Variants in ANKFY1 observed in about 807,000 individuals in gnomAD.
ANKFY1 encodes the protein ankyrin repeat and FYVE domain-containing protein 1.
ANKFY1 carries 47 observed loss-of-function variants against 128.3 expected under a neutral mutation model. The ratio of observed to expected loss-of-function variants is 0.37; its 90% CI spans 0.29 to 0.47. The LOEUF is 0.47. Ranked by LOEUF, ANKFY1 falls within the 20% of genes least tolerant of loss-of-function variation. The pLI is 1.00. For synonymous variants in ANKFY1, 553 were observed against 601.6 expected (o/e 0.92, Z 1.18); for missense variants, 1,222 against 1,510.6 (o/e 0.81, Z 3.17).
intron 22 of ANKFY1, among the ~76,000 whole-genome samples, chr17:4,171,348 G>A (rs996845870): frequency 2.0e-5 from 3 of 152,298 alleles, no homozygotes; most frequent in African/African-American, 4.8e-5. Flanking sequence ...CTTCCACCCC[G>A]TGGAGCCCGT....
rs1598023117 is a variant in ANKFY1 at position 4,181,138 on chromosome 17, G to A, written c.2240+116C>T. Reference sequence around the variant, plus strand: ...CAGTGACTCTCTGATAACCTTAACTGTGAAAGTCAAGCCGGCTACTGGCAT... The same window carrying A: ...CAGTGACTCTCTGATAACCTTAACTATGAAAGTCAAGCCGGCTACTGGCAT... On this transcript the variant is annotated intron_variant, in intron 16 of 24. Coordinates refer to ENST00000341657, the MANE Select transcript of ANKFY1 (RefSeq NM_001330063.2). The surrounding 1 kb of genome is among the most constrained non-coding windows in gnomAD (Gnocchi z 4.9). 1 of 822,172 alleles carries A rather than the reference G, an allele frequency of 1.2e-6. No homozygotes were observed. Among genetic ancestry groups the A allele is most frequent in the South Asian group, 1.6e-5 (1 of 61,434 alleles). The allele number at this position is 822,172 out of a possible 1,614,324, so 50.9% of individuals were successfully genotyped here.
intron 1 of ANKFY1, among the ~76,000 whole-genome samples, chr17:4,260,961 T>G (rs1968385373): frequency 6.6e-6 from 1 of 152,208 alleles, no homozygotes; most frequent in South Asian, 2.1e-4. Context: ...TATTTATATT[T>G]AAATAACTGT....
Position 4,186,015 on chromosome 17 carries a change from C to G in ANKFY1, c.1471-969G>C, listed in dbSNP as rs116277091. On this transcript the variant is annotated intron_variant, in intron 11 of 24. Coordinates refer to ENST00000341657, the MANE Select transcript of ANKFY1 (RefSeq NM_001330063.2). ...AAAATATTTTTAATTGGTATTACCGCTACCTGATGCAACATTTAAAACGAA... is the reference window on the plus strand; with the variant it reads ...AAAATATTTTTAATTGGTATTACCGGTACCTGATGCAACATTTAAAACGAA... 5.5e-3 allele frequency among the ~76,000 whole-genome samples: 832 copies of G among 152,268 alleles called. 8 individuals are homozygous for G. Among genetic ancestry groups the G allele is most frequent in the African/African-American group, 0.019 (792 of 41,546 alleles).
rs1202952074 is a variant in ANKFY1 at position 4,256,070 on chromosome 17, C to T, written c.10+7862G>A. 2.0e-5 allele frequency among the ~76,000 whole-genome samples: 3 copies of T among 152,086 alleles called. No homozygotes were observed. The East Asian group carries it at 5.8e-4, about 30-fold the overall frequency. ...TGATCTTGTGACCTGCCCGCCTCGGCCTCCCAAAGTGCTGGGATTACAGGT... is the reference window on the plus strand; with the variant it reads ...TGATCTTGTGACCTGCCCGCCTCGGTCTCCCAAAGTGCTGGGATTACAGGT... On this transcript the variant is annotated intron_variant, in intron 1 of 24. Coordinates refer to ENST00000341657, the MANE Select transcript of ANKFY1 (RefSeq NM_001330063.2).
intron 7 of ANKFY1, among the ~76,000 whole-genome samples, chr17:4,203,770 G>C (rs550391106): frequency 7.0e-6 from 1 of 142,786 alleles, no homozygotes; most frequent in East Asian, 2.1e-4. Context: ...AGCCGAGACC[G>C]AGCCATTGCA....
chr17:4,242,104 A>T (rs1346720554), intron 2 of ANKFY1, 152 bp downstream of exon 2: 1 of 727,060 alleles, frequency 1.4e-6, no homozygotes, highest in African/African-American at 1.8e-5. Context: ...AAAAAAAAAA[A>T]ATCTTGCCTC....
intron 19 of ANKFY1, among the ~76,000 whole-genome samples, chr17:4,174,531 G>A (rs1307707906): frequency 6.6e-6 from 1 of 152,170 alleles, no homozygotes; most frequent in Non-Finnish European, 1.5e-5. Context: ...TTAGAAGATA[G>A]TATGATTCCA....
At chr17:4,210,114 A>G (rs892343789) in intron 4 of ANKFY1, among the ~76,000 whole-genome samples, 167 bp from the exon 5 acceptor site, 30 of 152,356 alleles carry the variant, frequency 2.0e-4, no homozygotes, top group South Asian at 1.5e-3. Context: ...CCCATATTTA[A>G]AAAGTACTAG....
chr17:4,235,194 T>C (rs1177271554), intron 3 of ANKFY1, among the ~76,000 whole-genome samples: 1 of 151,726 alleles, frequency 6.6e-6, no homozygotes, highest in African/African-American at 2.4e-5. Context: ...AATACAAAAA[T>C]TAGCTGGGTG....
intron 6 of ANKFY1, among the ~76,000 whole-genome samples, chr17:4,207,117 C>T (rs1400635366): frequency 2.6e-5 from 4 of 152,022 alleles, no homozygotes; most frequent in African/African-American, 9.7e-5. Context: ...CCTATCTAAC[C>T]ACAGAGGGCC....
At chr17:4,242,207 G>A in intron 2 of ANKFY1, 49 bp downstream of exon 2, 1 of 1,433,512 alleles carries the variant, frequency 7.0e-7, no homozygotes, top group Non-Finnish European at 9.2e-7. Context: ...GCTGTAGTGT[G>A]GCCCAGGAAT....
chr17:4,170,294 G>A (rs559645637), intron 23 of ANKFY1, among the ~76,000 whole-genome samples: 1 of 152,312 alleles, frequency 6.6e-6, no homozygotes, highest in East Asian at 1.9e-4. Context: ...TATGAAATCA[G>A]GAGGGAAGCA....
Position 4,235,815 on chromosome 17 carries a change from C to G in ANKFY1, c.279G>C (p.Trp93Cys), listed in dbSNP as rs1005735851. 3 of 1,614,072 alleles carry G rather than the reference C, an allele frequency of 1.9e-6. No individual in the cohort carries two copies. In the African/African-American group the frequency reaches 4.0e-5, roughly 22 times the overall value. ...TAGTGGAAGACAAGTTAGCCAGACT[C>G]CAGCTGTCACTGCGGGCTGCCAGGA... ...KFVLAARSDS[W>C]SLANLSSTKE... Residue 93 changes from tryptophan (W) to cysteine (C), a missense_variant, in exon 3 of 25, where the codon TGG becomes TGC. Trp to Cys is a radical substitution (Grantham distance 215). Coordinates refer to ENST00000341657, the MANE Select transcript of ANKFY1 (RefSeq NM_001330063.2).
At chr17:4,214,518 CCTAA>C (rs2060187896) in intron 4 of ANKFY1, among the ~76,000 whole-genome samples, 2 of 151,110 alleles carry the variant, frequency 1.3e-5, no homozygotes, top group African/African-American at 2.4e-5. Flanking sequence ...AAACGATAAA[CCTAA>C]CTTTTTTTTT....
chr17:4,251,211 T>C (rs1377574301), intron 1 of ANKFY1, among the ~76,000 whole-genome samples: 1 of 152,208 alleles, frequency 6.6e-6, no homozygotes, highest in African/African-American at 2.4e-5. Context: ...GAGATCCATA[T>C]GAAAACGCAA....
chr17:4,221,403 A>T (rs2060309522), intron 3 of ANKFY1, among the ~76,000 whole-genome samples: 1 of 152,102 alleles, frequency 6.6e-6, no homozygotes, highest in South Asian at 2.1e-4. Context: ...GGAGAGAAAG[A>T]GTTTCGTCAT....
At chr17:4,173,071 C>T (rs1028822253) in intron 21 of ANKFY1, among the ~76,000 whole-genome samples, 11 of 152,210 alleles carry the variant, frequency 7.2e-5, no homozygotes, top group Non-Finnish European at 1.3e-4. Context: ...TTAGTCAGGA[C>T]GGTCTCGATC....
rs372382822 is a variant in ANKFY1 at position 4,170,833 on chromosome 17, G to A, written c.3168C>T (p.Asn1056=). 21 of 1,614,172 alleles carry A rather than the reference G, an allele frequency of 1.3e-5. No individual in the cohort carries two copies. The highest frequency in any genetic ancestry group is 2.2e-5 in the East Asian group (1 of 44,884). Residue 1056 remains asparagine, a synonymous_variant, in exon 23 of 25, where the codon AAC becomes AAT. Transcript: ENST00000341657. ...GGACGATGGCGCGGCACAAGTTGGC[G>A]TTCCCTTTCATGTATGCCAGGAGCA... ...TVLLLAYMKG[N]ANLCRAIVRS... is the part of the protein sequence containing the mutation.
chr17:4,228,048 C>G (rs1180720541), intron 3 of ANKFY1, among the ~76,000 whole-genome samples: 1 of 152,040 alleles, frequency 6.6e-6, no homozygotes, highest in Non-Finnish European at 1.5e-5. Flanking sequence ...CAACTGAATA[C>G]AGGTAATTTT....
Sources: gnomAD v4.1 joint callset for allele counts (sites outside exome capture counted in the v4.1 genomes callset) on GRCh38, gnomAD v4.1.1 for gene constraint, Gnocchi (gnomAD v3.1) non-coding constraint, MANE v1.5 for transcripts, NCBI Gene and HGNC (gene_info 2026-07-23, HGNC 2026-07-21) for gene names.